Variants in PKNOX2 observed in about 807,000 individuals in gnomAD.
PKNOX2 encodes the protein PBX/knotted 1 homeobox 2.
PKNOX2 carries 14 observed loss-of-function variants against 53.1 expected under a neutral mutation model. That is an observed-to-expected ratio of 0.26 (90% CI 0.17 to 0.41). The LOEUF is 0.41. Ranked by LOEUF, PKNOX2 falls within the 10% of genes least tolerant of loss-of-function variation. The pLI is 1.00. For synonymous variants in PKNOX2, 257 were observed against 242.8 expected, an observed-to-expected ratio of 1.06 and a Z score of -0.54; for missense variants, 496 against 602.8, an observed-to-expected ratio of 0.82 and a Z score of 1.85.
At chr11:125,384,470 G>T (rs548845181) in intron 5 of PKNOX2, among the ~76,000 whole-genome samples, 1 of 152,184 alleles carries the variant, frequency 6.6e-6, no homozygotes, top group Non-Finnish European at 1.5e-5. Flanking sequence ...CGGATCACGA[G>T]GTCAGGAGAT....
At chr11:125,384,346 G>A (rs1274978240) in intron 5 of PKNOX2, among the ~76,000 whole-genome samples, 2 of 151,968 alleles carry the variant, frequency 1.3e-5, no homozygotes, top group African/African-American at 4.8e-5. Context: ...GGGAATGGGG[G>A]TCAGGAGTCA....
At chr11:125,199,597 A>G (rs1258276025) in intron 1 of PKNOX2, among the ~76,000 whole-genome samples, 1 of 152,188 alleles carries the variant, frequency 6.6e-6, no homozygotes, top group East Asian at 1.9e-4. Context: ...TAATCCCAGT[A>G]CTTTGGGAGG....
rs527395285 is a variant in PKNOX2, at chr11:125,289,536, T to C, written c.-129-42283T>C. 3.3e-5 allele frequency among the ~76,000 whole-genome samples: 5 copies of C among 152,348 alleles called. No individual in the cohort carries two copies. In the East Asian group the frequency reaches 9.6e-4, roughly 29 times the overall value. On this transcript the variant is annotated intron_variant, in intron 2 of 12. Transcript: ENST00000298282. ...ATCAGGTCATTTTCTTATTCTTCCC[T>C]TTCCAGTTTTTTGGGTGAGCAAACA...
chr11:125,336,466 T>A (rs1950435641), intron 3 of PKNOX2, among the ~76,000 whole-genome samples: 1 of 150,736 alleles, frequency 6.6e-6, no homozygotes, highest in Non-Finnish European at 1.5e-5. Context: ...ATTATCTATT[T>A]TTAGTTCATA....
intron 3 of PKNOX2, among the ~76,000 whole-genome samples, chr11:125,342,022 G>T (rs914507143): frequency 5.3e-5 from 8 of 152,232 alleles, no homozygotes; most frequent in African/African-American, 1.7e-4. Context: ...TAGAGCTCTT[G>T]TTTCTTGTGA....
At chr11:125,318,782 G>A (rs1448098030) in intron 2 of PKNOX2, among the ~76,000 whole-genome samples, 2 of 152,170 alleles carry the variant, frequency 1.3e-5, no homozygotes, top group Non-Finnish European at 2.9e-5. Flanking sequence ...GGGACCTGGT[G>A]GAGGTGATTA....
At chr11:125,215,570 G>A (rs1040337813) in intron 1 of PKNOX2, among the ~76,000 whole-genome samples, 3 of 151,876 alleles carry the variant, frequency 2.0e-5, no homozygotes, top group East Asian at 1.9e-4. Context: ...TGACCAACAC[G>A]GCGAAACCCC....
chr11:125,319,750 T>C (rs1949406325), intron 2 of PKNOX2, among the ~76,000 whole-genome samples: 1 of 152,202 alleles, frequency 6.6e-6, no homozygotes, highest in South Asian at 2.1e-4. Context: ...AGGAAGTGAC[T>C]CTTGAGTTGA....
rs566983164 is a variant in PKNOX2, at chr11:125,174,604, G to C, written c.-201+9828G>C. Reference sequence around the variant, plus strand: ...CCAGAGAACACCTAGCCCAGCAGTGGGAAGGCTGTCTACCTGTAGGCAGGT... The same window carrying C: ...CCAGAGAACACCTAGCCCAGCAGTGCGAAGGCTGTCTACCTGTAGGCAGGT... On this transcript the variant is annotated intron_variant, in intron 1 of 12. Transcript: ENST00000298282. Among the ~76,000 whole-genome samples the C allele has an allele frequency of 5.4e-4, 83 of 152,304 alleles. 1 individual carries two copies. Among genetic ancestry groups the C allele is most frequent in the Admixed American group, 8.5e-4 (13 of 15,294 alleles).
intron 1 of PKNOX2, among the ~76,000 whole-genome samples, chr11:125,178,281 G>C (rs569929049): frequency 6.6e-6 from 1 of 151,714 alleles, no homozygotes; most frequent in Non-Finnish European, 1.5e-5. Context: ...GGAAGCCGAG[G>C]TAGGCAGATC....
At chr11:125,313,377 CT>C (rs1365788587) in intron 2 of PKNOX2, among the ~76,000 whole-genome samples, 1 of 152,178 alleles carries the variant, frequency 6.6e-6, no homozygotes, top group African/African-American at 2.4e-5. Flanking sequence ...CTGAACTCTC[CT>C]GTCCCAAGTA....
At chr11:125,297,294 G>A (rs1440424358) in intron 2 of PKNOX2, among the ~76,000 whole-genome samples, 1 of 152,198 alleles carries the variant, frequency 6.6e-6, no homozygotes, top group African/African-American at 2.4e-5. Context: ...ACCTCAATTT[G>A]TTCTCATTCA....
Position 125,165,972 on chromosome 11 carries a change from G to A in PKNOX2, c.-201+1196G>A, listed in dbSNP as rs977344902. On this transcript the variant is annotated intron_variant, in intron 1 of 12. Transcript: ENST00000298282. This position sits in a 1 kb window ranked among gnomAD's most constrained non-coding sequence, Gnocchi z 4.5. ...CTTTCCCGGGGCTCTTCACGGGGGA[G>A]CCGGGGGTTTCCGCGCGGTGGGGAG... Among the ~76,000 whole-genome samples, 3 of 152,192 alleles carry A rather than the reference G, an allele frequency of 2.0e-5. No individual in the cohort carries two copies. Among genetic ancestry groups the A allele is most frequent in the African/African-American group, 7.2e-5 (3 of 41,450 alleles).
chr11:125,178,100 C>T (rs1329659361), intron 1 of PKNOX2, among the ~76,000 whole-genome samples: 1 of 152,162 alleles, frequency 6.6e-6, no homozygotes, highest in African/African-American at 2.4e-5. Context: ...AGAAAGGACA[C>T]GTGAAACCAT....
At chr11:125,271,428 G>A (rs1226132981) in intron 2 of PKNOX2, among the ~76,000 whole-genome samples, 1 of 152,162 alleles carries the variant, frequency 6.6e-6, no homozygotes, top group Non-Finnish European at 1.5e-5. Context: ...CTCCTTTCTT[G>A]AATAGACTTC....
At chr11:125,329,229 A>G (rs1040729784) in intron 2 of PKNOX2, among the ~76,000 whole-genome samples, 2 of 152,228 alleles carry the variant, frequency 1.3e-5, no homozygotes, top group Non-Finnish European at 2.9e-5. Context: ...ACAAAAGGCT[A>G]TTTAGTGAAC....
At chr11:125,335,514 G>A (rs952723429) in intron 3 of PKNOX2, among the ~76,000 whole-genome samples, 1 of 152,082 alleles carries the variant, frequency 6.6e-6, no homozygotes, top group Non-Finnish European at 1.5e-5. Context: ...TTCCCTCCAC[G>A]AGATATTTGT....
chr11:125,183,718 T>C (rs893402724), intron 1 of PKNOX2, among the ~76,000 whole-genome samples: 1 of 147,502 alleles, frequency 6.8e-6, no homozygotes, highest in African/African-American at 2.5e-5. Context: ...CTAAAGACAT[T>C]CTAAAATTCA....
At chr11:125,367,752 G>T in intron 4 of PKNOX2, 94 bp from the exon 5 acceptor site, 1 of 1,377,394 alleles carries the variant, frequency 7.3e-7, no homozygotes. Context: ...TCTCCTCCGG[G>T]CACAGCACAG....
Sources: gnomAD v4.1 joint callset for allele counts (sites outside exome capture counted in the v4.1 genomes callset) on GRCh38, gnomAD v4.1.1 for gene constraint, Gnocchi (gnomAD v3.1) non-coding constraint, MANE v1.5 for transcripts, NCBI Gene and HGNC (gene_info 2026-07-23, HGNC 2026-07-21) for gene names.